The following ISCU variants were observed in gnomAD, a reference collection of about 807,000 sequenced individuals.
The protein encoded by ISCU is iron-sulfur cluster assembly enzyme.
In ISCU, 13 loss-of-function variants were observed where a neutral mutation model predicts 18.4. The ratio of observed to expected loss-of-function variants is 0.71; its 90% CI spans 0.46 to 1.12. The LOEUF is 1.12. ISCU is among the 50% of genes most tolerant of loss of function. The pLI is 0.00. For synonymous variants in ISCU, 104 were observed against 87.5 expected (o/e 1.19, Z -1.06); for missense variants, 229 against 208.7 (o/e 1.10, Z -0.60).
chr12:108,567,755 G>A (rs940643782), intron 4 of ISCU: 9 of 1,535,536 alleles, frequency 5.9e-6, no homozygotes, highest in East Asian at 2.4e-5. Flanking sequence ...TATTCCTGTC[G>A]GGGTCTGCAT....
intron 2 of ISCU, 126 bp from the exon 3 acceptor site, chr12:108,565,195 A>C (rs755239020): frequency 1.4e-6 from 1 of 730,682 alleles, no homozygotes; most frequent in Non-Finnish European, 2.5e-6. Context: ...GTCAGTAATT[A>C]ATGCCATCAC....
In ISCU at chr12:108,565,388, T is replaced by C; in HGVS notation, c.296T>C (p.Ile99Thr). Residue 99 changes from isoleucine (I) to threonine (T), a missense_variant, in exon 3 of 5, where the codon ATT becomes ACT. Transcript: ENST00000311893. ...AAAACATTTGGCTGTGGTTCCGCAA[T>C]TGCCTCCAGCTCATTAGCCACTGAA... The part of the protein sequence containing the change: ...RFKTFGCGSA[I>T]ASSSLATEWV... 6.2e-7 allele frequency: 1 copy of C among 1,614,090 alleles called. No individual in the cohort carries two copies. Among genetic ancestry groups the C allele is most frequent in the South Asian group, 1.1e-5 (1 of 91,078 alleles).
chr12:108,565,239 A>AAGG, intron 2 of ISCU, 82 bp from the exon 3 acceptor site: 1 of 956,974 alleles, frequency 1.0e-6, no homozygotes, highest in Non-Finnish European at 1.7e-6. Context: ...GCCCTTGGGG[A>AAGG]AGGCCCTGGT....
rs1258866296 is a variant in ISCU, at chr12:108,569,261, AC to A, written c.*347del. 9.8e-6 allele frequency: 3 copies of A among 307,218 alleles called. No homozygotes were observed. Among genetic ancestry groups the A allele is most frequent in the African/African-American group, 6.5e-5 (3 of 46,410 alleles). 19.0% of individuals were successfully genotyped at this position (307,218 alleles called of 1,614,324 possible). A position where few individuals can be genotyped will look rare whatever the true frequency, so the allele number is the denominator to read the frequency against. ...ACCTGAATTGATTTGGGGGGAAATT[AC>A]CAGTAGAATGCCTTGGTCTGAATAT... is the stretch of plus-strand genomic sequence containing the variant. On this transcript the variant is annotated 3_prime_UTR_variant, in exon 5 of 5. Coordinates refer to ENST00000311893, the MANE Select transcript of ISCU (RefSeq NM_213595.4).
intron 2 of ISCU, chr12:108,564,856 G>C: frequency 3.7e-6 from 1 of 267,398 alleles, no homozygotes; most frequent in South Asian, 4.4e-5. Flanking sequence ...TGGTGAGTGG[G>C]CAGCTTGCCA....
rs1401731958 is a variant in ISCU at position 108,565,410 on chromosome 12, T to C, written c.318T>C (p.Thr106=). ...GSAIASSSLA[T]EWVKGKTVEE... ...CAATTGCCTCCAGCTCATTAGCCAC[T>C]GAATGGGTGAAAGGAAAGACGGTAA... Residue 106 remains threonine (T), a synonymous_variant, in exon 3 of 5, where the codon ACT becomes ACC. Coordinates refer to ENST00000311893, the MANE Select transcript of ISCU (RefSeq NM_213595.4). 3 of 1,612,358 alleles carry C rather than the reference T, an allele frequency of 1.9e-6. No individual in the cohort carries two copies. Among genetic ancestry groups the C allele is most frequent in the Admixed American group, 3.3e-5 (2 of 60,024 alleles).
chr12:108,565,109 G>A lies in ISCU; in HGVS notation c.229-212G>A. On this transcript the variant is annotated intron_variant, in intron 2 of 4. Coordinates refer to ENST00000311893, the MANE Select transcript of ISCU (RefSeq NM_213595.4). ...GAGTGGAGGGACATATTTTTCAGCT[G>A]ATCTTTGTCAGTTGGGCCTGGATAG... 3 of 582,674 alleles carry A rather than the reference G, an allele frequency of 5.1e-6. No homozygotes were observed. In the South Asian group the frequency reaches 6.5e-5, roughly 13 times the overall value. 36.1% of individuals were successfully genotyped at this position (582,674 alleles called of 1,614,324 possible).
In ISCU at chr12:108,568,862, G is replaced by C; in HGVS notation, c.450G>C (p.Leu150=). The C allele has an allele frequency of 6.2e-7, 1 of 1,613,624 alleles. No homozygotes were observed. Among genetic ancestry groups the C allele is most frequent in the Non-Finnish European group, 8.5e-7 (1 of 1,179,816 alleles). ...CTGAAGATGCAATCAAGGCCGCCCT[G>C]GCTGATTACAAATTGAAACAAGAAC... ...MLAEDAIKAA[L]ADYKLKQEPK... The change falls in exon 5 of 5, where the codon CTG becomes CTC. Residue 150 remains leucine, a synonymous_variant. Transcript: ENST00000311893.
chr12:108,568,398 A>G, intron 4 of ISCU: 2 of 1,092,030 alleles, frequency 1.8e-6, no homozygotes, highest in Non-Finnish European at 2.2e-6. Context: ...TCTTTTTTCC[A>G]AAGGGCATGT....
chr12:108,562,153 C>G (rs1351397071), upstream of ISCU, among the ~76,000 whole-genome samples: 1 of 152,266 alleles, frequency 6.6e-6, no homozygotes, highest in East Asian at 1.9e-4. Flanking sequence ...AGGAAGGAAC[C>G]GAACCAGGAT....
At chr12:108,567,448 G>C (rs1453649185) in intron 4 of ISCU, 180 bp downstream of exon 4, 1 of 731,198 alleles carries the variant, frequency 1.4e-6, no homozygotes, top group Non-Finnish European at 2.4e-6. Flanking sequence ...TCATCCCTAA[G>C]AGAATCATGC....
At chr12:108,568,020 A>AT in intron 4 of ISCU, 1 of 1,523,248 alleles carries the variant, frequency 6.6e-7, no homozygotes, top group East Asian at 2.5e-5. Context: ...TGCCAAGGTA[A>AT]TACTCACAGC....
At chr12:108,568,091 T>G in intron 4 of ISCU, 2 of 1,400,874 alleles carry the variant, frequency 1.4e-6, no homozygotes, top group Non-Finnish European at 1.9e-6. Flanking sequence ...TGGTCAGACC[T>G]AAGTTCTTTC....
rs2030939942 is a variant in ISCU, at chr12:108,567,209, T to C, written c.359T>C (p.Ile120Thr). 6.2e-7 allele frequency: 1 copy of C among 1,613,988 alleles called. No individual in the cohort carries two copies. Among genetic ancestry groups the C allele is most frequent in the Admixed American group, 1.7e-5 (1 of 60,014 alleles). The change falls in exon 4 of 5, where the codon ATC (isoleucine) becomes ACC (threonine). Residue 120 changes from isoleucine to threonine, a missense_variant. Coordinates refer to ENST00000311893, the MANE Select transcript of ISCU (RefSeq NM_213595.4). ...KGKTVEEALT[I>T]KNTDIAKELC... ...TCTCAGGTGGAGGAAGCCTTGACTA[T>C]CAAAAACACAGATATCGCCAAGGAG...
intron 4 of ISCU, 30 bp downstream of exon 4, chr12:108,567,298 T>A: frequency 6.4e-7 from 1 of 1,558,504 alleles, no homozygotes; most frequent in South Asian, 1.1e-5. Context: ...ACCAGTCAGC[T>A]GGGACATTTG....
upstream of ISCU, chr12:108,562,560 G>A (rs1183179052): frequency 2.0e-5 from 19 of 966,940 alleles, no homozygotes; most frequent in Non-Finnish European, 2.7e-5. Context: ...GCTCGGAGCC[G>A]ACTCGCAGAC....
At position 108,567,192 on chromosome 12, in the gene ISCU, GGAGGAAGCCTT is replaced by G. The variant is rs1196159912; in HGVS notation, c.345_355del (p.Glu115AspfsTer25). ...CATCTTTCCATTATGCCTCTCAGGT[GGAGGAAGCCTT>G]GACTATCAAAAACACAGATATCGCC... On this transcript the variant is annotated frameshift_variant, in exon 4 of 5. Coordinates refer to ENST00000311893, the MANE Select transcript of ISCU (RefSeq NM_213595.4). LOFTEE classifies it high-confidence loss of function. The G allele has an allele frequency of 6.2e-7, 1 of 1,612,952 alleles. No homozygotes were observed. The highest frequency in any genetic ancestry group is 8.5e-7 in the Non-Finnish European group (1 of 1,179,096).
upstream of ISCU, chr12:108,562,587 C>T: frequency 8.2e-7 from 1 of 1,224,720 alleles, no homozygotes; most frequent in Non-Finnish European, 1.1e-6. Flanking sequence ...CGCCCCTCGG[C>T]GTCGCTCTGG....
chr12:108,563,832 C>G (rs1592789600), intron 1 of ISCU: 1 of 538,282 alleles, frequency 1.9e-6, no homozygotes. Flanking sequence ...AGCATTGTTC[C>G]CTGTGTAACA....
Sources: gnomAD v4.1 joint callset for allele counts (sites outside exome capture counted in the v4.1 genomes callset) on GRCh38, gnomAD v4.1.1 for gene constraint, MANE v1.5 for transcripts, NCBI Gene and HGNC (gene_info 2026-07-23, HGNC 2026-07-21) for gene names.